The following STAG1 variants were observed in gnomAD, a reference collection of about 807,000 sequenced individuals.
The protein encoded by STAG1 is STAG1 cohesin complex component, also known as cohesin subunit SA-1.
Under a neutral mutation model 170.9 loss-of-function variants are expected in STAG1, and 26 were observed. That is an observed-to-expected ratio of 0.15 (90% confidence interval 0.11 to 0.21). The LOEUF is 0.21. STAG1 is among the 10% of genes least tolerant of loss of function. The probability of loss-of-function intolerance (pLI) is 1.00; values close to 1 mark genes in which losing one functional copy is unlikely to be tolerated. For synonymous variants in STAG1, 514 were observed against 497.7 expected, an observed-to-expected ratio of 1.03 and a Z score of -0.44; for missense variants, 964 against 1,509.5, an observed-to-expected ratio of 0.64 and a Z score of 5.99.
At chr3:136,676,756 C>T (rs180788923) in intron 1 of STAG1, among the ~76,000 whole-genome samples, 18 of 151,864 alleles carry the variant, frequency 1.2e-4, no homozygotes, top group Non-Finnish European at 1.9e-4. Flanking sequence ...GTTTTACATC[C>T]TTGTTCTATA....
At chr3:136,534,551 T>TG (rs1473163026) in intron 6 of STAG1, among the ~76,000 whole-genome samples, 1 of 150,774 alleles carries the variant, frequency 6.6e-6, no homozygotes, top group Non-Finnish European at 1.5e-5. Flanking sequence ...AACTCAACAA[T>TG]GAAAAAAAAA....
chr3:136,356,074 T>A (rs1429753391), intron 28 of STAG1, among the ~76,000 whole-genome samples: 4 of 151,742 alleles, frequency 2.6e-5, no homozygotes, highest in South Asian at 4.2e-4. Flanking sequence ...TTTTTTTTTT[T>A]AGAGACAGTC....
At chr3:136,431,769 T>C (rs1023762642) in intron 16 of STAG1, among the ~76,000 whole-genome samples, 11 of 152,364 alleles carry the variant, frequency 7.2e-5, no homozygotes, top group African/African-American at 2.6e-4. Context: ...CCACTATTTC[T>C]GATAAGCTAA....
At chr3:136,698,392 G>T (rs1942958851) in intron 1 of STAG1, among the ~76,000 whole-genome samples, 1 of 152,122 alleles carries the variant, frequency 6.6e-6, no homozygotes, top group African/African-American at 2.4e-5. Flanking sequence ...ATGAAAAAAT[G>T]CTCAACATCA....
At chr3:136,705,378 AACACACACAC>A (rs3066789) in intron 1 of STAG1, among the ~76,000 whole-genome samples, 7,372 of 143,222 alleles carry the variant, frequency 0.051, 223 homozygotes, top group African/African-American at 0.07. Flanking sequence ...ATGATCATCA[AACACACACAC>A]ACACACACAC....
chr3:136,647,939 T>C (rs1011341117), intron 1 of STAG1, among the ~76,000 whole-genome samples: 2 of 152,208 alleles, frequency 1.3e-5, no homozygotes, highest in Admixed American at 1.3e-4. Context: ...TAAGAAATTA[T>C]TGTTGATGTT....
At chr3:136,488,869 C>T (rs966581666) in intron 9 of STAG1, among the ~76,000 whole-genome samples, 1 of 152,120 alleles carries the variant, frequency 6.6e-6, no homozygotes, top group Non-Finnish European at 1.5e-5. Context: ...TTTATGTTTT[C>T]ATATTAAATT....
intron 4 of STAG1, among the ~76,000 whole-genome samples, chr3:136,572,858 G>C (rs1937319989): frequency 6.6e-6 from 1 of 152,108 alleles, no homozygotes; most frequent in Admixed American, 6.5e-5. Context: ...CTTTCATAAA[G>C]ATATGAAGAT....
At chr3:136,619,470 T>C (rs549137485) in intron 3 of STAG1, among the ~76,000 whole-genome samples, 1 of 151,780 alleles carries the variant, frequency 6.6e-6, no homozygotes, top group East Asian at 1.9e-4. Context: ...GTTAAACACA[T>C]CTTTAGGCCT....
chr3:136,456,921 C>T (rs2089129030), intron 13 of STAG1, among the ~76,000 whole-genome samples: 1 of 152,118 alleles, frequency 6.6e-6, no homozygotes, highest in African/African-American at 2.4e-5. Flanking sequence ...ATCCTTCAAA[C>T]ATGAAAGACA....
At chr3:136,368,806 T>G (rs1937180640) in intron 24 of STAG1, among the ~76,000 whole-genome samples, 1 of 152,188 alleles carries the variant, frequency 6.6e-6, no homozygotes, top group Non-Finnish European at 1.5e-5. Flanking sequence ...TTTATTCTTG[T>G]TGGTTTCTGA....
At chr3:136,568,279 T>TA (rs1376972379) in intron 5 of STAG1, among the ~76,000 whole-genome samples, 1 of 152,126 alleles carries the variant, frequency 6.6e-6, no homozygotes, top group Admixed American at 6.6e-5. Flanking sequence ...AAAATAAAAT[T>TA]ACACTTTAAC....
intron 1 of STAG1, among the ~76,000 whole-genome samples, chr3:136,648,859 A>G (rs1056086565): frequency 1.3e-5 from 2 of 152,138 alleles, no homozygotes; most frequent in African/African-American, 4.8e-5. Context: ...GCTTGCCGCA[A>G]TTCAATTCTC....
chr3:136,518,538 C>T, intron 7 of STAG1: 2 of 604,626 alleles, frequency 3.3e-6, no homozygotes, highest in Non-Finnish European at 6.0e-6. Context: ...GTTGTCCAGC[C>T]TGGAATTAAG....
chr3:136,615,764 C>G (rs1198767356), intron 3 of STAG1, among the ~76,000 whole-genome samples: 1 of 129,908 alleles, frequency 7.7e-6, no homozygotes, highest in Admixed American at 7.9e-5. Flanking sequence ...GGCAATAGAG[C>G]AAGACTCCAA....
chr3:136,395,261 G>A (rs747470249), intron 22 of STAG1, among the ~76,000 whole-genome samples: 5 of 152,134 alleles, frequency 3.3e-5, no homozygotes, highest in Non-Finnish European at 5.9e-5. Context: ...TTAAAAAATA[G>A]AAAATATTCA....
intron 1 of STAG1, among the ~76,000 whole-genome samples, chr3:136,724,804 G>A (rs1933565387): frequency 6.6e-6 from 1 of 152,052 alleles, no homozygotes; most frequent in Non-Finnish European, 1.5e-5. Context: ...AGGTAAACAA[G>A]GTTCTCAGCT....
chr3:136,620,639 T>C (rs1267516616), intron 3 of STAG1, among the ~76,000 whole-genome samples: 2 of 152,164 alleles, frequency 1.3e-5, no homozygotes, highest in Admixed American at 6.5e-5. Flanking sequence ...ATTCAGGAAG[T>C]TGTTTATGTT....
At chr3:136,504,170 G>T (rs1933638864) in intron 7 of STAG1, among the ~76,000 whole-genome samples, 1 of 152,034 alleles carries the variant, frequency 6.6e-6, no homozygotes, top group Non-Finnish European at 1.5e-5. Context: ...ATTTTGATCA[G>T]TTCTATGTTA....
Sources: gnomAD v4.1 joint callset for allele counts (sites outside exome capture counted in the v4.1 genomes callset) on GRCh38, gnomAD v4.1.1 for gene constraint, MANE v1.5 for transcripts, NCBI Gene and HGNC (gene_info 2026-07-23, HGNC 2026-07-21) for gene names.